The following CACNA1C variants were observed in gnomAD, a reference collection of about 807,000 sequenced individuals.
The protein encoded by CACNA1C is calcium voltage-gated channel subunit alpha1 C.
CACNA1C carries 30 observed loss-of-function variants against 229.0 expected under a neutral mutation model. That is an observed-to-expected ratio of 0.13 (90% CI 0.10 to 0.18). The LOEUF (loss-of-function observed/expected upper bound fraction) is 0.18, where lower values mean the gene tolerates loss of function less well. Ranked by LOEUF, CACNA1C falls within the 10% of genes least tolerant of loss-of-function variation. The probability of loss-of-function intolerance (pLI) is 1.00; values close to 1 mark genes in which losing one functional copy is unlikely to be tolerated. For missense variants in CACNA1C, 1,658 were observed against 2,845.0 expected (o/e 0.58, Z 9.49); for synonymous variants, 1,114 against 1,132.5 (o/e 0.98, Z 0.33).
intron 3 of CACNA1C, among the ~76,000 whole-genome samples, chr12:2,153,345 C>T (rs1241493186): frequency 1.3e-5 from 2 of 152,088 alleles, no homozygotes; most frequent in African/African-American, 4.8e-5. Context: ...ATAACATTCA[C>T]ATTTTAACCA....
chr12:2,084,183 G>C (rs1376784739), intron 1 of CACNA1C, among the ~76,000 whole-genome samples: 2 of 152,168 alleles, frequency 1.3e-5, no homozygotes, highest in Non-Finnish European at 2.9e-5. Context: ...GGGGATGACT[G>C]ATCTAGCCCA....
chr12:2,690,953 G>T lies in CACNA1C; in HGVS notation c.6171G>T (p.Glu2057Asp). Residue 2057 changes from glutamate to aspartate, a missense_variant, in exon 47 of 47, where the codon GAG becomes GAT. Coordinates refer to ENST00000399655, the MANE Select transcript of CACNA1C (RefSeq NM_000719.7). ...TTGCTCAAGATCCCAAGTTCATCGA[G>T]GTCACCACCCAGGAGCTGGCCGACG... Reference protein sequence around the residue: ...GQFAQDPKFIEVTTQELADAC... With the variant: ...GQFAQDPKFIDVTTQELADAC... 6.3e-7 allele frequency: 1 copy of T among 1,597,918 alleles called. No individual in the cohort carries two copies. The highest frequency in any genetic ancestry group is 1.1e-5 in the South Asian group (1 of 88,338).
chr12:1,988,068 C>T (rs747295757), intron 1 of CACNA1C, among the ~76,000 whole-genome samples: 20 of 152,186 alleles, frequency 1.3e-4, no homozygotes, highest in Non-Finnish European at 2.6e-4. Flanking sequence ...GGACTCTTCA[C>T]CTTTGCTCTG....
intron 13 of CACNA1C, among the ~76,000 whole-genome samples, chr12:2,573,014 CCTCCTCCTT>C (rs1433328015): frequency 3.3e-5 from 5 of 150,714 alleles, no homozygotes; most frequent in Non-Finnish European, 5.9e-5. Context: ...TTCTCCTCCT[CCTCCTCCTT>C]CTTCTTCCTT....
At position 2,512,022 on chromosome 12, in the gene CACNA1C, G is replaced by T. The variant is rs1339119771; in HGVS notation, c.1218-790G>T. ...TTTCTTGTGTTTGGAATCTTCATTTGTCTTCATGTGGGAGAGAACCTTCTC... is the reference window on the plus strand; with the variant it reads ...TTTCTTGTGTTTGGAATCTTCATTTTTCTTCATGTGGGAGAGAACCTTCTC... On this transcript the variant is annotated intron_variant, in intron 8 of 46. Transcript: ENST00000399655. The surrounding 1 kb of genome is among the most constrained non-coding windows in gnomAD (Gnocchi z 4.3). 6.6e-6 allele frequency among the ~76,000 whole-genome samples: 1 copy of T among 152,156 alleles called. No individual in the cohort carries two copies. Among genetic ancestry groups the T allele is most frequent in the Non-Finnish European group, 1.5e-5 (1 of 68,020 alleles).
chr12:2,469,564 G>T (rs951961209), intron 5 of CACNA1C, among the ~76,000 whole-genome samples: 3 of 152,162 alleles, frequency 2.0e-5, no homozygotes, highest in Non-Finnish European at 2.9e-5. Flanking sequence ...TTTCAGTGTT[G>T]CTTCCAGTTC....
At chr12:2,146,582 G>C (rs2094729832) in intron 3 of CACNA1C, among the ~76,000 whole-genome samples, 1 of 151,044 alleles carries the variant, frequency 6.6e-6, no homozygotes, top group Non-Finnish European at 1.5e-5. Flanking sequence ...GGAGGCGGTG[G>C]GCACAGGCCT....
chr12:2,624,510 CACTA>C (rs1244924669), intron 29 of CACNA1C, among the ~76,000 whole-genome samples: 1 of 152,230 alleles, frequency 6.6e-6, no homozygotes, highest in Non-Finnish European at 1.5e-5. Flanking sequence ...TGCATTTCCT[CACTA>C]ACCTGGAATA....
At chr12:2,426,628 A>T (rs2099034999) in intron 3 of CACNA1C, among the ~76,000 whole-genome samples, 1 of 152,224 alleles carries the variant, frequency 6.6e-6, no homozygotes, top group African/African-American at 2.4e-5. Flanking sequence ...CCATTTATTA[A>T]CTTACATTTC....
intron 3 of CACNA1C, among the ~76,000 whole-genome samples, chr12:2,341,435 G>T (rs1348074100): frequency 6.6e-6 from 1 of 152,164 alleles, no homozygotes; most frequent in Non-Finnish European, 1.5e-5. Flanking sequence ...CCCAGGTGAG[G>T]CCCTGCTCTT....
At chr12:2,008,840 T>A (rs2043919993) in intron 1 of CACNA1C, among the ~76,000 whole-genome samples, 1 of 152,210 alleles carries the variant, frequency 6.6e-6, no homozygotes, top group Admixed American at 6.5e-5. Flanking sequence ...CACAGAGATT[T>A]ATTTATTTTT....
rs145812364 is a variant in CACNA1C at position 2,125,602 on chromosome 12, G to A, written c.477+5172G>A. On this transcript the variant is annotated intron_variant, in intron 3 of 46. Transcript: ENST00000399655. ...GTGGCTCTCAACCCCTGTGGCATAA[G>A]TTCATAGAGATGATTAAAATGCATG... is the stretch of plus-strand genomic sequence containing the variant. Among the ~76,000 whole-genome samples the A allele has an allele frequency of 3.0e-4, 46 of 152,268 alleles. No individual in the cohort carries two copies. The East Asian group carries it at 8.7e-3, about 29-fold the overall frequency.
intron 3 of CACNA1C, among the ~76,000 whole-genome samples, chr12:2,292,897 G>A (rs1378882250): frequency 6.6e-6 from 1 of 152,122 alleles, no homozygotes; most frequent in African/African-American, 2.4e-5. Flanking sequence ...CTGGTTAAAG[G>A]GGCATGCCAG....
rs367718416 is a variant in CACNA1C, at chr12:2,275,615, C to T, written c.477+155185C>T. ...ATGGAAGAGAGGTGGCCTGACCACT[C>T]TAAGCCCACAGCACCACTGGATCTT... On this transcript the variant is annotated intron_variant, in intron 3 of 46. Coordinates refer to ENST00000399655, the MANE Select transcript of CACNA1C (RefSeq NM_000719.7). This position sits in a 1 kb window ranked among gnomAD's most constrained non-coding sequence, Gnocchi z 4.1. 6.6e-5 allele frequency among the ~76,000 whole-genome samples: 10 copies of T among 152,166 alleles called. No homozygotes were observed. The highest frequency in any genetic ancestry group is 2.4e-4 in the African/African-American group (10 of 41,442).
intron 3 of CACNA1C, among the ~76,000 whole-genome samples, chr12:2,212,436 C>T (rs146341711): frequency 4.4e-4 from 67 of 152,292 alleles, no homozygotes; most frequent in African/African-American, 1.2e-3. Context: ...GGAAATCTTA[C>T]GGTTGCTTAT....
At chr12:2,268,761 G>A (rs1226054271) in intron 3 of CACNA1C, among the ~76,000 whole-genome samples, 2 of 152,176 alleles carry the variant, frequency 1.3e-5, no homozygotes, top group Non-Finnish European at 2.9e-5. Context: ...GGGAGACTGT[G>A]GCTAGAAACA....
intron 1 of CACNA1C, chr12:1,993,415 G>T (rs746252832): frequency 1.2e-6 from 2 of 1,603,546 alleles, no homozygotes; most frequent in Non-Finnish European, 1.7e-6. Context: ...GGAGTCAGGG[G>T]GAAATCAATA....
chr12:2,690,935 A>G lies in CACNA1C; in HGVS notation c.6153A>G (p.Gln2051=). The stretch of plus-strand genomic sequence containing the variant: ...CAGAAGGACTGGGGCAGTTTGCTCA[A>G]GATCCCAAGTTCATCGAGGTCACCA... ...LISEGLGQFA[Q]DPKFIEVTTQ... is the part of the protein sequence containing the mutation. The change falls in exon 47 of 47, where the codon CAA becomes CAG. Residue 2051 remains glutamine, a synonymous_variant. Transcript: ENST00000399655. The G allele has an allele frequency of 6.3e-7, 1 of 1,592,850 alleles. No homozygotes were observed. The highest frequency in any genetic ancestry group is 8.6e-7 in the Non-Finnish European group (1 of 1,168,292).
chr12:2,256,322 G>T (rs74059819), intron 3 of CACNA1C, among the ~76,000 whole-genome samples: 1 of 152,162 alleles, frequency 6.6e-6, no homozygotes, highest in Non-Finnish European at 1.5e-5. Flanking sequence ...TGGGCACATT[G>T]GTGTCTTAAA....
Sources: allele counts gnomAD v4.1 joint callset (sites outside exome capture counted in the v4.1 genomes callset), GRCh38; gene constraint gnomAD v4.1.1; non-coding constraint Gnocchi (gnomAD v3.1); transcripts MANE v1.5; gene names NCBI Gene and HGNC (gene_info 2026-07-23, HGNC 2026-07-21).